The following NCKAP5 variants were observed in gnomAD, a reference collection of about 807,000 sequenced individuals.
NCKAP5 encodes the protein NCK associated protein 5, also known as nck-associated protein 5.
In NCKAP5, 92 loss-of-function variants were observed where a neutral mutation model predicts 167.0. The ratio of observed to expected loss-of-function variants is 0.55; its 90% CI spans 0.47 to 0.66. The LOEUF is 0.66. Ranked by LOEUF, NCKAP5 falls within the 30% of genes least tolerant of loss-of-function variation. The pLI, the probability that NCKAP5 is intolerant of heterozygous loss-of-function variation, is 0.00. For synonymous variants in NCKAP5, 891 were observed against 877.4 expected (o/e 1.02, Z -0.27); for missense variants, 2,378 against 2,315.0 (o/e 1.03, Z -0.56).
chr2:132,800,340 A>G (rs539539325), intron 11 of NCKAP5, among the ~76,000 whole-genome samples: 3 of 152,304 alleles, frequency 2.0e-5, no homozygotes, highest in Non-Finnish European at 2.9e-5. Flanking sequence ...GCAAATCCCA[A>G]TGAATTCTGG....
At chr2:132,765,482 T>G (rs1009464747) in intron 16 of NCKAP5, among the ~76,000 whole-genome samples, 4 of 152,032 alleles carry the variant, frequency 2.6e-5, no homozygotes, top group African/African-American at 9.7e-5. Context: ...GCGCAGCTAA[T>G]TTTTGTATTT....
chr2:133,458,647 GA>G (rs1239869354), intron 3 of NCKAP5, among the ~76,000 whole-genome samples: 1 of 152,060 alleles, frequency 6.6e-6, no homozygotes, highest in Non-Finnish European at 1.5e-5. Context: ...CCCAAGAAAG[GA>G]AAGGAAATTT....
intron 6 of NCKAP5, among the ~76,000 whole-genome samples, chr2:133,086,179 C>T (rs1360343000): frequency 6.6e-6 from 1 of 152,170 alleles, no homozygotes; most frequent in African/African-American, 2.4e-5. Flanking sequence ...TTACTGAGCT[C>T]TACTGCATAC....
chr2:133,551,273 C>T (rs1301465945), intron 2 of NCKAP5, among the ~76,000 whole-genome samples: 2 of 151,028 alleles, frequency 1.3e-5, no homozygotes, highest in Non-Finnish European at 1.5e-5. Context: ...CAAAAAAGAG[C>T]CCGCATCACC....
chr2:133,352,819 G>A (rs948967998), intron 3 of NCKAP5, among the ~76,000 whole-genome samples: 26 of 152,204 alleles, frequency 1.7e-4, no homozygotes, highest in African/African-American at 5.8e-4. Flanking sequence ...GCTAACATGA[G>A]GCACTTTTAG....
intron 2 of NCKAP5, among the ~76,000 whole-genome samples, chr2:133,535,922 G>C (rs753292665): frequency 1.3e-4 from 20 of 152,022 alleles, no homozygotes; most frequent in Non-Finnish European, 2.9e-4. Flanking sequence ...AATGTTTGTT[G>C]GTCACTTGTA....
chr2:132,947,404 C>A (rs186301648), intron 8 of NCKAP5, among the ~76,000 whole-genome samples: 1 of 152,164 alleles, frequency 6.6e-6, no homozygotes, highest in African/African-American at 2.4e-5. Context: ...GTGAGTCTAT[C>A]CTGGGCTTTG....
intron 19 of NCKAP5, among the ~76,000 whole-genome samples, chr2:132,683,152 G>A (rs1398559244): frequency 1.3e-5 from 2 of 151,956 alleles, no homozygotes; most frequent in Non-Finnish European, 2.9e-5. Context: ...CCAAAGTGCT[G>A]GGATTACAGG....
chr2:133,468,200 GGT>G (rs199949679), intron 3 of NCKAP5, among the ~76,000 whole-genome samples: 7,566 of 139,006 alleles, frequency 0.054, 1,263 homozygotes, highest in Non-Finnish European at 0.088. Flanking sequence ...CAGAGATTCT[GGT>G]ATATTGTGTC....
chr2:133,479,703 T>C (rs961605695), intron 3 of NCKAP5, among the ~76,000 whole-genome samples: 5 of 152,160 alleles, frequency 3.3e-5, no homozygotes, highest in Admixed American at 3.3e-4. Context: ...AAATCAGTTG[T>C]CTTTCTGCTT....
At chr2:133,177,183 T>TATATATATATATATATATATAC (rs3051216) in intron 5 of NCKAP5, among the ~76,000 whole-genome samples, 7 of 142,680 alleles carry the variant, frequency 4.9e-5, no homozygotes, top group Admixed American at 4.2e-4. Context: ...TATATATATA[T>TATATATATATATATATATATAC]ATATACTCAA....
intron 19 of NCKAP5, among the ~76,000 whole-genome samples, chr2:132,703,708 A>C (rs1688092548): frequency 6.6e-6 from 1 of 152,228 alleles, no homozygotes; most frequent in Admixed American, 6.5e-5. Flanking sequence ...TCATTCATTC[A>C]TTCAACAAAC....
Position 132,885,730 on chromosome 2 carries a change from C to T in NCKAP5, c.580-6814G>A, listed in dbSNP as rs114212224. ...GAATAGATAGGCTGGCTGGAACTTA[C>T]GAATGATTGAAAAATCTGATGCTTC... On this transcript the variant is annotated intron_variant, in intron 8 of 19. Transcript: ENST00000409261. Among the ~76,000 whole-genome samples, 1,400 of 152,278 alleles carry T rather than the reference C, an allele frequency of 9.2e-3. 23 individuals carry two copies. Among genetic ancestry groups the T allele is most frequent in the African/African-American group, 0.031 (1,283 of 41,558 alleles).
the NCKAP5 span, among the ~76,000 whole-genome samples, chr2:133,610,449 A>T: frequency 1.3e-5 from 2 of 152,156 alleles, no homozygotes; most frequent in African/African-American, 4.8e-5. Context: ...TATCATTCTG[A>T]GTTCCCACAA....
intron 5 of NCKAP5, among the ~76,000 whole-genome samples, chr2:133,196,851 C>T (rs931752471): frequency 5.9e-5 from 9 of 152,122 alleles, no homozygotes; most frequent in African/African-American, 2.2e-4. Flanking sequence ...CTCTTGTTCC[C>T]TAGCCCCAGA....
chr2:133,590,342 C>T, the NCKAP5 span, among the ~76,000 whole-genome samples: 2 of 21,118 alleles, frequency 9.5e-5, no homozygotes, highest in Non-Finnish European at 1.5e-4. Context: ...ACGGCCAACA[C>T]GGTGAAACCC....
At chr2:133,386,064 C>A (rs1433304729) in intron 3 of NCKAP5, among the ~76,000 whole-genome samples, 3 of 152,042 alleles carry the variant, frequency 2.0e-5, no homozygotes, top group Non-Finnish European at 4.4e-5. Flanking sequence ...CTGCTCTGAT[C>A]TTAGTTATTT....
intron 6 of NCKAP5, among the ~76,000 whole-genome samples, chr2:133,007,980 C>T (rs1325808688): frequency 6.6e-6 from 1 of 152,152 alleles, no homozygotes; most frequent in Non-Finnish European, 1.5e-5. Flanking sequence ...TCTGAGTGCC[C>T]AGCAAAGAGA....
intron 11 of NCKAP5, among the ~76,000 whole-genome samples, chr2:132,859,475 T>A (rs1397209898): frequency 6.6e-6 from 1 of 152,232 alleles, no homozygotes; most frequent in African/African-American, 2.4e-5. Flanking sequence ...CCTGGCCACA[T>A]GTGGCTTTTG....
Sources: gnomAD v4.1 joint callset for allele counts (sites outside exome capture counted in the v4.1 genomes callset) on GRCh38, gnomAD v4.1.1 for gene constraint, MANE v1.5 for transcripts, NCBI Gene and HGNC (gene_info 2026-07-23, HGNC 2026-07-21) for gene names.